Variants in LRRIQ1 observed in about 807,000 individuals in gnomAD.
LRRIQ1 encodes leucine-rich repeat- and IQ domain-containing protein 1.
In LRRIQ1, 210 loss-of-function variants were observed where a neutral mutation model predicts 211.9. The observed-to-expected ratio is 0.99, with a 90% CI of 0.89 to 1.11. LRRIQ1 has a LOEUF of 1.11. LRRIQ1 is among the 50% of genes most tolerant of loss of function. The pLI, the probability that LRRIQ1 is intolerant of heterozygous loss-of-function variation, is 0.00. For synonymous variants in LRRIQ1, 699 were observed against 650.1 expected (o/e 1.08, Z -1.14); for missense variants, 2,136 against 1,939.5 (o/e 1.10, Z -1.90).
chr12:85,181,574 G>T (rs983067088), intron 24 of LRRIQ1, among the ~76,000 whole-genome samples: 1 of 151,826 alleles, frequency 6.6e-6, no homozygotes, highest in Non-Finnish European at 1.5e-5. Flanking sequence ...ATAACATTTA[G>T]ATTTAATTTT....
chr12:85,040,058 C>A (rs1336830899), intron 2 of LRRIQ1, among the ~76,000 whole-genome samples: 2 of 151,364 alleles, frequency 1.3e-5, no homozygotes, highest in East Asian at 3.9e-4. Context: ...ATGATAATCA[C>A]AAAGCCAGTT....
At chr12:85,060,113 T>A (rs1437321594) in intron 8 of LRRIQ1, among the ~76,000 whole-genome samples, 1 of 151,894 alleles carries the variant, frequency 6.6e-6, no homozygotes, top group African/African-American at 2.4e-5. Context: ...ATATCTATTA[T>A]ATAGGATCAC....
chr12:85,099,036 TA>T, intron 13 of LRRIQ1, 42 bp downstream of exon 13: 3 of 1,361,632 alleles, frequency 2.2e-6, no homozygotes, highest in Non-Finnish European at 3.0e-6. Flanking sequence ...AATGATTGTT[TA>T]AAATAAATAT....
chr12:85,207,547 A>AT (rs1223988647), intron 24 of LRRIQ1, among the ~76,000 whole-genome samples: 1 of 151,898 alleles, frequency 6.6e-6, no homozygotes, highest in Non-Finnish European at 1.5e-5. Flanking sequence ...ATTATCAATC[A>AT]TTTTTTTCAT....
At chr12:85,099,016 A>G (rs765962646) in intron 13 of LRRIQ1, 22 bp downstream of exon 13, 9 of 1,456,674 alleles carry the variant, frequency 6.2e-6, no homozygotes, top group African/African-American at 1.4e-5. Flanking sequence ...CTTAAGAAAT[A>G]AATTCAGTGA....
intron 24 of LRRIQ1, among the ~76,000 whole-genome samples, chr12:85,166,595 G>GT (rs1891165848): frequency 6.6e-6 from 1 of 152,144 alleles, no homozygotes; most frequent in African/African-American, 2.4e-5. Context: ...TTAGAGAACA[G>GT]TTTATGTTGT....
intron 24 of LRRIQ1, among the ~76,000 whole-genome samples, chr12:85,205,119 C>T (rs1303396938): frequency 1.3e-5 from 2 of 152,044 alleles, no homozygotes. Flanking sequence ...CTTTTGCTTC[C>T]TCCTCATTCT....
At chr12:85,092,888 A>G (rs1885533853) in intron 11 of LRRIQ1, among the ~76,000 whole-genome samples, 1 of 152,226 alleles carries the variant, frequency 6.6e-6, no homozygotes, top group Non-Finnish European at 1.5e-5. Flanking sequence ...CCTGCTGCTA[A>G]TGACATTTGT....
intron 24 of LRRIQ1, among the ~76,000 whole-genome samples, chr12:85,217,498 ATATATATATATGTGTGTGTG>A (rs1275137002): frequency 9.4e-4 from 75 of 80,118 alleles, no homozygotes; most frequent in African/African-American, 6.5e-3. Flanking sequence ...ATATGTATAT[ATATATATATATGTGTGTGTG>A]TGTGTGTGTG....
At chr12:85,113,414 T>C (rs1345835687) in intron 15 of LRRIQ1, among the ~76,000 whole-genome samples, 1 of 152,116 alleles carries the variant, frequency 6.6e-6, no homozygotes, top group African/African-American at 2.4e-5. Flanking sequence ...TTTATATCCA[T>C]TAATTTTTAA....
chr12:85,241,800 A>T (rs1337908875), intron 26 of LRRIQ1, among the ~76,000 whole-genome samples: 3 of 151,988 alleles, frequency 2.0e-5, no homozygotes, highest in African/African-American at 7.2e-5. Flanking sequence ...ACTTCCAAAA[A>T]GACAATACTT....
chr12:85,051,240 A>G (rs1255466716), intron 6 of LRRIQ1, among the ~76,000 whole-genome samples: 1 of 151,304 alleles, frequency 6.6e-6, no homozygotes, highest in Non-Finnish European at 1.5e-5. Context: ...TTTCTCTTCC[A>G]CCGTGAGTAA....
At position 85,056,329 on chromosome 12, in the gene LRRIQ1, G is replaced by T. The variant is rs1252024882; in HGVS notation, c.1536G>T (p.Leu512Phe). 6.3e-7 allele frequency: 1 copy of T among 1,598,212 alleles called. No homozygotes were observed. The highest frequency in any genetic ancestry group is 1.7e-4 in the Middle Eastern group (1 of 5,986). The change falls in exon 8 of 27, where the codon TTG (leucine) becomes TTT (phenylalanine). Residue 512 changes from leucine to phenylalanine, a missense_variant. Physicochemically the swap from Leu to Phe is conservative, Grantham distance 22. Transcript: ENST00000393217. ...AAAATACAGATAACAAAACTGAATT[G>T]GGAAACTCTGATCTAAAAGGAAATC... ...KYENTDNKTE[L>F]GNSDLKGNLK...
chr12:85,140,123 T>C (rs912911581), intron 19 of LRRIQ1, among the ~76,000 whole-genome samples: 10 of 151,378 alleles, frequency 6.6e-5, no homozygotes, highest in Non-Finnish European at 4.4e-5. Flanking sequence ...TAAATTTATC[T>C]CCAATGTTTT....
chr12:85,172,582 A>G (rs1305099162), intron 24 of LRRIQ1, among the ~76,000 whole-genome samples: 5 of 152,078 alleles, frequency 3.3e-5, no homozygotes, highest in African/African-American at 7.2e-5. Flanking sequence ...GCTGCTGAAA[A>G]TCTCCCTAAA....
chr12:85,043,427 G>A (rs999320622), intron 3 of LRRIQ1, among the ~76,000 whole-genome samples: 2 of 152,110 alleles, frequency 1.3e-5, no homozygotes, highest in South Asian at 2.1e-4. Flanking sequence ...TGTGGCTTTC[G>A]CTCCTCAGAT....
At chr12:85,231,799 G>A (rs1302510671) in intron 25 of LRRIQ1, among the ~76,000 whole-genome samples, 3 of 152,080 alleles carry the variant, frequency 2.0e-5, no homozygotes, top group Non-Finnish European at 4.4e-5. Flanking sequence ...AATCATGAGA[G>A]GTAACCACCC....
At chr12:85,043,051 G>A (rs1268388585) in intron 3 of LRRIQ1, among the ~76,000 whole-genome samples, 2 of 152,032 alleles carry the variant, frequency 1.3e-5, no homozygotes, top group African/African-American at 2.4e-5. Flanking sequence ...GAATATAGAT[G>A]TATTGATCGG....
chr12:85,241,661 T>C (rs1466817644), intron 26 of LRRIQ1, among the ~76,000 whole-genome samples: 1 of 151,984 alleles, frequency 6.6e-6, no homozygotes, highest in Admixed American at 6.6e-5. Flanking sequence ...TTGATACATA[T>C]GTAGAAAAAC....
Sources: allele counts gnomAD v4.1 joint callset (sites outside exome capture counted in the v4.1 genomes callset), GRCh38; gene constraint gnomAD v4.1.1; transcripts MANE v1.5; gene names NCBI Gene and HGNC (gene_info 2026-07-23, HGNC 2026-07-21).